ANTXR2: variants seen among roughly 807,000 people sequenced by gnomAD.
ANTXR2 encodes anthrax toxin receptor 2.
In ANTXR2, 44 loss-of-function variants were observed where a neutral mutation model predicts 73.7. The observed-to-expected ratio is 0.60, with a 90% CI of 0.47 to 0.77. The LOEUF is 0.77. Ranked by LOEUF, ANTXR2 falls within the 30% of genes least tolerant of loss-of-function variation. ANTXR2 has a pLI of 0.00. For synonymous variants in ANTXR2, 217 were observed against 205.9 expected, an observed-to-expected ratio of 1.05 and a Z score of -0.46; for missense variants, 604 against 592.5, an observed-to-expected ratio of 1.02 and a Z score of -0.20.
chr4:79,978,021 A>G lies in ANTXR2; in HGVS notation c.1333T>C (p.Tyr445His), dbSNP rs1356556274. The G allele has an allele frequency of 6.3e-7, 1 of 1,599,686 alleles. No homozygotes were observed. Among genetic ancestry groups the G allele is most frequent in the Non-Finnish European group, 8.5e-7 (1 of 1,175,302 alleles). Residue 445 changes from tyrosine to histidine, a missense_variant, in exon 15 of 17, where the codon TAC becomes CAC. By Grantham distance (83) the Tyr-to-His change is moderately conservative. Transcript: ENST00000403729. ...PTHQPPQTKW[Y>H]TPIKGRLDAL... The stretch of plus-strand genomic sequence containing the variant: ...TGGACACATACCTTAATTGGGGTGT[A>G]CCATTTTGTCTGAGGAGGCTGGTGT...
intron 16 of ANTXR2, among the ~76,000 whole-genome samples, chr4:79,957,914 A>G (rs1728986101): frequency 1.3e-5 from 2 of 152,074 alleles, no homozygotes; most frequent in African/African-American, 2.4e-5. Flanking sequence ...TCAAGTTTCA[A>G]TCCGTTTACT....
intron 16 of ANTXR2, among the ~76,000 whole-genome samples, chr4:79,963,217 T>TG (rs1729212886): frequency 6.6e-6 from 1 of 151,934 alleles, no homozygotes; most frequent in Non-Finnish European, 1.5e-5. Context: ...AGCCTGAAAA[T>TG]TCACAAGCAG....
At chr4:80,016,820 C>T (rs1203600178) in intron 11 of ANTXR2, among the ~76,000 whole-genome samples, 1 of 152,238 alleles carries the variant, frequency 6.6e-6, no homozygotes, top group East Asian at 1.9e-4. Flanking sequence ...CTTTATCTCA[C>T]ATCCCACACC....
At position 79,976,375 on chromosome 4, in the gene ANTXR2, T is replaced by C. The variant is rs546510080; in HGVS notation, c.1428+1246A>G. Among the ~76,000 whole-genome samples, 6 of 152,260 alleles carry C rather than the reference T, an allele frequency of 3.9e-5. No homozygotes were observed. The East Asian group carries it at 5.8e-4, about 15-fold the overall frequency. ...GGTGAGGCTTGGACACCAGACCTAA[T>C]TGATGATTAACTAAAACAGGGATGG... On this transcript the variant is annotated intron_variant, in intron 16 of 16. Transcript: ENST00000403729.
chr4:80,058,350 A>T (rs1734097288), intron 3 of ANTXR2, among the ~76,000 whole-genome samples: 1 of 151,952 alleles, frequency 6.6e-6, no homozygotes, highest in Non-Finnish European at 1.5e-5. Flanking sequence ...TCCAAGCTCC[A>T]CTCAATCCCA....
At chr4:80,014,099 A>G (rs911821288) in intron 11 of ANTXR2, among the ~76,000 whole-genome samples, 1 of 151,048 alleles carries the variant, frequency 6.6e-6, no homozygotes, top group South Asian at 2.1e-4. Flanking sequence ...TGTCTTCTTC[A>G]CTCGGTGTCT....
chr4:79,934,357 T>C lies in ANTXR2; in HGVS notation c.1429-26890A>G, dbSNP rs544969481. On this transcript the variant is annotated intron_variant, in intron 16 of 16. Coordinates refer to ENST00000403729, the MANE Select transcript of ANTXR2 (RefSeq NM_058172.6). The stretch of plus-strand genomic sequence containing the variant: ...CAGCCTGGCCAACATGGCAAAACCC[T>C]GAGTACTAAAAATACAAAAATTAGC... 3.3e-4 allele frequency among the ~76,000 whole-genome samples: 50 copies of C among 152,138 alleles called. 1 individual carries two copies. The highest frequency in any genetic ancestry group is 1.1e-3 in the African/African-American group (47 of 41,538).
At chr4:80,002,703 A>C (rs1003501108) in intron 12 of ANTXR2, among the ~76,000 whole-genome samples, 31 of 151,976 alleles carry the variant, frequency 2.0e-4, no homozygotes, top group East Asian at 5.8e-4. Context: ...TGAACTCAAA[A>C]AAATTTACAA....
intron 7 of ANTXR2, among the ~76,000 whole-genome samples, chr4:80,046,237 A>G (rs1311835003): frequency 6.6e-6 from 1 of 151,782 alleles, no homozygotes; most frequent in Non-Finnish European, 1.5e-5. Context: ...TTTCTTCCAC[A>G]TCTCACAATT....
At chr4:79,965,837 C>T (rs562261178) in intron 16 of ANTXR2, among the ~76,000 whole-genome samples, 5 of 152,198 alleles carry the variant, frequency 3.3e-5, no homozygotes, top group African/African-American at 1.2e-4. Flanking sequence ...TCCTAATATT[C>T]CTAATATCAG....
At chr4:79,955,691 T>A (rs1234681086) in intron 16 of ANTXR2, among the ~76,000 whole-genome samples, 1 of 152,118 alleles carries the variant, frequency 6.6e-6, no homozygotes, top group South Asian at 2.1e-4. Context: ...AGGTAACTTT[T>A]TGATCATTTA....
intron 7 of ANTXR2, among the ~76,000 whole-genome samples, chr4:80,047,573 T>C (rs1214067559): frequency 6.6e-6 from 1 of 151,628 alleles, no homozygotes; most frequent in East Asian, 1.9e-4. Context: ...CTCTCTCCCT[T>C]GCCCCCAACA....
At chr4:80,031,135 CA>C (rs1732670651) in intron 10 of ANTXR2, among the ~76,000 whole-genome samples, 1 of 151,880 alleles carries the variant, frequency 6.6e-6, no homozygotes, top group African/African-American at 2.4e-5. Context: ...CAAGTTAATA[CA>C]AATGTACAAG....
intron 12 of ANTXR2, among the ~76,000 whole-genome samples, chr4:79,985,444 C>G (rs1730100351): frequency 6.6e-6 from 1 of 152,080 alleles, no homozygotes; most frequent in African/African-American, 2.4e-5. Flanking sequence ...ACTTAATTTT[C>G]CCTGACATCC....
chr4:80,001,403 T>C (rs1194161836), intron 12 of ANTXR2, among the ~76,000 whole-genome samples: 1 of 148,208 alleles, frequency 6.7e-6, no homozygotes, highest in African/African-American at 2.5e-5. Flanking sequence ...ACATTCTGAG[T>C]AAACTATCAC....
intron 16 of ANTXR2, among the ~76,000 whole-genome samples, chr4:79,935,515 G>GA (rs35278452): frequency 6.0e-5 from 9 of 149,948 alleles, no homozygotes; most frequent in African/African-American, 1.7e-4. Flanking sequence ...AGCTGAACTG[G>GA]AAAAAAAAAA....
chr4:80,014,921 C>A (rs1346578592), intron 11 of ANTXR2, among the ~76,000 whole-genome samples: 1 of 152,168 alleles, frequency 6.6e-6, no homozygotes, highest in Admixed American at 6.5e-5. Flanking sequence ...TGAAAATTCT[C>A]CAACCTTTTG....
intron 12 of ANTXR2, among the ~76,000 whole-genome samples, chr4:80,007,272 C>A (rs140164736): frequency 3.9e-4 from 60 of 152,162 alleles, no homozygotes; most frequent in Middle Eastern, 3.4e-3. Flanking sequence ...GGCAGTCTTG[C>A]AGTATTATGT....
At chr4:80,050,015 G>A (rs946322221) in intron 7 of ANTXR2, among the ~76,000 whole-genome samples, 2 of 151,622 alleles carry the variant, frequency 1.3e-5, no homozygotes, top group African/African-American at 4.8e-5. Context: ...CATGATCCTT[G>A]ACCTAGTTCC....
Sources: gnomAD v4.1 joint callset for allele counts (sites outside exome capture counted in the v4.1 genomes callset) on GRCh38, gnomAD v4.1.1 for gene constraint, MANE v1.5 for transcripts, NCBI Gene and HGNC (gene_info 2026-07-23, HGNC 2026-07-21) for gene names.